The following TMEM114 variants were observed in gnomAD, a reference collection of about 807,000 sequenced individuals.
TMEM114 encodes the protein transmembrane protein 114.
A neutral mutation model predicts 6.2 loss-of-function variants in TMEM114; 6 were observed. That is an observed-to-expected ratio of 0.97 (90% CI 0.53 to 1.91). TMEM114 has a LOEUF of 1.91. TMEM114 is among the 40% of genes most tolerant of loss of function. The pLI, the probability that TMEM114 is intolerant of heterozygous loss-of-function variation, is 0.01. For missense variants in TMEM114, 218 were observed against 158.3 expected (o/e 1.38, Z -2.02); for synonymous variants, 104 against 73.0 (o/e 1.42, Z -2.16).
At chr16:8,561,823 AATGAGTGAGTG>A (rs1474613118) in intron 2 of TMEM114, among the ~76,000 whole-genome samples, 8 of 125,800 alleles carry the variant, frequency 6.4e-5, no homozygotes, top group East Asian at 1.9e-4. Flanking sequence ...GGAGGGAGTG[AATGAGTGAGTG>A]AATGAGTGAG....
At chr16:8,544,298 A>G (rs1462292798) in intron 2 of TMEM114, among the ~76,000 whole-genome samples, 1 of 152,240 alleles carries the variant, frequency 6.6e-6, no homozygotes, top group Non-Finnish European at 1.5e-5. Flanking sequence ...TGGTAAACGA[A>G]TACTCAACAA....
intron 2 of TMEM114, among the ~76,000 whole-genome samples, chr16:8,556,049 C>G (rs372334089): frequency 5.3e-5 from 8 of 152,356 alleles, no homozygotes; most frequent in Admixed American, 1.3e-4. Flanking sequence ...CTGGCATTTT[C>G]CAGCTCTGTG....
intron 2 of TMEM114, among the ~76,000 whole-genome samples, chr16:8,544,447 G>A (rs1900600727): frequency 6.6e-6 from 1 of 152,156 alleles, no homozygotes; most frequent in African/African-American, 2.4e-5. Context: ...GGGTCTTAAT[G>A]GATATGTAGG....
chr16:8,536,191 C>T (rs1900353640), downstream of TMEM114, among the ~76,000 whole-genome samples: 1 of 150,818 alleles, frequency 6.6e-6, no homozygotes, highest in South Asian at 2.1e-4. Context: ...CACCACTGCA[C>T]TCCAGCCTGG....
At chr16:8,583,547 C>A (rs1212102066) in intron 2 of TMEM114, among the ~76,000 whole-genome samples, 1 of 152,110 alleles carries the variant, frequency 6.6e-6, no homozygotes, top group Non-Finnish European at 1.5e-5. Flanking sequence ...GAGTTTCAGA[C>A]CAGCCTGGGC....
chr16:8,566,618 C>T (rs1901553903), downstream of TMEM114, among the ~76,000 whole-genome samples: 1 of 152,142 alleles, frequency 6.6e-6, no homozygotes, highest in African/African-American at 2.4e-5. Context: ...ACCTCCTTAC[C>T]ACGGGCCATG....
downstream of TMEM114, chr16:8,569,378 C>T (rs149048672): frequency 1.6e-5 from 15 of 920,084 alleles, no homozygotes; most frequent in African/African-American, 2.5e-4. Flanking sequence ...ATTACAGGGC[C>T]CAGGAGGTAG....
chr16:8,579,938 G>C (rs1596312965), intron 2 of TMEM114, among the ~76,000 whole-genome samples: 1 of 152,272 alleles, frequency 6.6e-6, no homozygotes, highest in African/African-American at 2.4e-5. Flanking sequence ...AGAGGTCTCA[G>C]CTGAGACCTG....
downstream of TMEM114, among the ~76,000 whole-genome samples, chr16:8,565,954 G>C (rs1199405868): frequency 1.3e-5 from 2 of 152,176 alleles, 1 homozygote; most frequent in African/African-American, 4.8e-5. Flanking sequence ...GAGAGTCCAA[G>C]TGGAATAAGA....
At chr16:8,562,693 T>A (rs1207786266) in intron 2 of TMEM114, among the ~76,000 whole-genome samples, 1 of 151,414 alleles carries the variant, frequency 6.6e-6, no homozygotes, top group Non-Finnish European at 1.5e-5. Context: ...AGTGAGGGAA[T>A]GAGTGAGTGA....
chr16:8,560,976 C>T (rs957332701), intron 2 of TMEM114, among the ~76,000 whole-genome samples: 4 of 152,128 alleles, frequency 2.6e-5, no homozygotes, highest in Non-Finnish European at 5.9e-5. Context: ...TCACAGCAGG[C>T]GAGACAGGGA....
At chr16:8,560,781 C>T (rs544805244) in intron 2 of TMEM114, among the ~76,000 whole-genome samples, 144 of 152,300 alleles carry the variant, frequency 9.5e-4, no homozygotes, top group African/African-American at 3.3e-3. Context: ...CGTTCACCTC[C>T]AGGAGAAGGC....
chr16:8,546,291 A>G (rs1203538988), intron 2 of TMEM114, among the ~76,000 whole-genome samples: 1 of 152,202 alleles, frequency 6.6e-6, no homozygotes, highest in Non-Finnish European at 1.5e-5. Flanking sequence ...CAACACATAT[A>G]ATTTGCATTC....
intron 2 of TMEM114, among the ~76,000 whole-genome samples, chr16:8,584,101 G>A (rs1300799207): frequency 6.6e-6 from 1 of 152,230 alleles, no homozygotes; most frequent in Non-Finnish European, 1.5e-5. Flanking sequence ...GGTTGCTAAG[G>A]TGGGAGAGGA....
At chr16:8,528,200 C>T in the TMEM114 span, among the ~76,000 whole-genome samples, 2 of 152,024 alleles carry the variant, frequency 1.3e-5, no homozygotes, top group African/African-American at 4.8e-5. Context: ...CATGCCAGAA[C>T]TAGTTTCCTG....
At chr16:8,531,094 G>C in the TMEM114 span, among the ~76,000 whole-genome samples, 1 of 152,122 alleles carries the variant, frequency 6.6e-6, no homozygotes, top group African/African-American at 2.4e-5. Context: ...GCCCATTGCA[G>C]CCTTTTGAAA....
At chr16:8,545,550 T>A (rs1900639812) in intron 2 of TMEM114, among the ~76,000 whole-genome samples, 1 of 152,248 alleles carries the variant, frequency 6.6e-6, no homozygotes, top group African/African-American at 2.4e-5. Context: ...AATATTCATG[T>A]GTATCAGAAC....
chr16:8,573,293 C>T (rs1039604685), intron 2 of TMEM114, among the ~76,000 whole-genome samples: 1 of 152,184 alleles, frequency 6.6e-6, no homozygotes, highest in African/African-American at 2.4e-5. Flanking sequence ...CAAACGGATC[C>T]ACCTGGAGAA....
rs762255858 is a variant in TMEM114, at chr16:8,544,306, C to G, written n.213-6480G>C. On this transcript the variant is annotated intron_variant and non_coding_transcript_variant, in intron 2 of 2. Coordinates refer to the TMEM114 transcript ENST00000623677. ...GTCTAAGTGGTAAACGAATACTCAA[C>G]AAATGTTTGTTGAGCATTAACTGAG... Among the ~76,000 whole-genome samples, 3 of 152,146 alleles carry G rather than the reference C, an allele frequency of 2.0e-5. No individual in the cohort carries two copies. In the South Asian group the frequency reaches 6.2e-4, roughly 32 times the overall value.
Sources: allele counts gnomAD v4.1 joint callset (sites outside exome capture counted in the v4.1 genomes callset), GRCh38; gene constraint gnomAD v4.1.1; transcripts MANE v1.5; gene names NCBI Gene and HGNC (gene_info 2026-07-23, HGNC 2026-07-21).